Variants in RASGRF2 observed in about 807,000 individuals in gnomAD.
RASGRF2 encodes the protein ras-specific guanine nucleotide-releasing factor 2.
RASGRF2 carries 76 observed loss-of-function variants against 151.0 expected under a neutral mutation model. The observed-to-expected ratio is 0.50, with a 90% CI of 0.42 to 0.61. The LOEUF (loss-of-function observed/expected upper bound fraction) is 0.61. Ranked by LOEUF, RASGRF2 falls within the 20% of genes least tolerant of loss-of-function variation. The pLI is 0.00. For missense variants in RASGRF2, 1,148 were observed against 1,564.6 expected, an observed-to-expected ratio of 0.73 and a Z score of 4.49; for synonymous variants, 504 against 566.5, an observed-to-expected ratio of 0.89 and a Z score of 1.57.
intron 1 of RASGRF2, among the ~76,000 whole-genome samples, chr5:80,969,816 T>C (rs1472863951): frequency 2.0e-5 from 1 of 49,608 alleles, no homozygotes; most frequent in African/African-American, 8.0e-5. Context: ...CTTCTTCTTC[T>C]TTTTTTTTTT....
intron 17 of RASGRF2, among the ~76,000 whole-genome samples, chr5:81,138,043 C>G (rs1297375680): frequency 7.7e-6 from 1 of 129,910 alleles, no homozygotes; most frequent in African/African-American, 3.1e-5. Context: ...CCTTCAATGC[C>G]CTTTTTGTTT....
At chr5:81,120,605 A>G (rs1753280213) in intron 15 of RASGRF2, among the ~76,000 whole-genome samples, 1 of 152,148 alleles carries the variant, frequency 6.6e-6, no homozygotes, top group Admixed American at 6.5e-5. Flanking sequence ...AACAAAGACA[A>G]AAATAAAATA....
chr5:81,183,226 T>A (rs1428758651), intron 18 of RASGRF2: 1 of 981,858 alleles, frequency 1.0e-6, no homozygotes, highest in East Asian at 1.1e-4. Context: ...TAGATCCACA[T>A]CAATCAAGAT....
intron 17 of RASGRF2, among the ~76,000 whole-genome samples, chr5:81,156,008 G>A (rs1187937908): frequency 9.9e-5 from 15 of 152,164 alleles, no homozygotes; most frequent in Admixed American, 9.8e-4. Context: ...ATGCAGCTAT[G>A]TCCAGGTACT....
At chr5:81,079,880 G>A (rs1752037481) in intron 5 of RASGRF2, among the ~76,000 whole-genome samples, 1 of 152,200 alleles carries the variant, frequency 6.6e-6, no homozygotes, top group South Asian at 2.1e-4. Context: ...GATGAAGAAG[G>A]TTATGTGACA....
chr5:81,064,793 G>T (rs26899), intron 2 of RASGRF2, among the ~76,000 whole-genome samples: 101,008 of 152,006 alleles, frequency 0.66, 34,631 homozygotes, highest in Non-Finnish European at 0.76. Context: ...AACTGTTACT[G>T]GCTACTACCC....
At chr5:81,205,229 C>A (rs910003664) in intron 19 of RASGRF2, among the ~76,000 whole-genome samples, 1 of 152,170 alleles carries the variant, frequency 6.6e-6, no homozygotes, top group African/African-American at 2.4e-5. Context: ...TCCTGCTCCC[C>A]CTTCAGACAG....
intron 7 of RASGRF2, among the ~76,000 whole-genome samples, chr5:81,081,128 C>T (rs1005938413): frequency 7.2e-5 from 11 of 152,266 alleles, no homozygotes; most frequent in Non-Finnish European, 1.5e-4. Context: ...ATTTGGTTTA[C>T]AGAAATAGGA....
At chr5:81,016,032 G>A (rs1031994294) in intron 1 of RASGRF2, among the ~76,000 whole-genome samples, 13 of 152,082 alleles carry the variant, frequency 8.5e-5, no homozygotes, top group Middle Eastern at 3.2e-3. Flanking sequence ...TGACAATGGC[G>A]ACTGAACTCA....
intron 1 of RASGRF2, among the ~76,000 whole-genome samples, chr5:80,963,044 G>C (rs1747613606): frequency 2.0e-5 from 3 of 152,168 alleles, no homozygotes; most frequent in African/African-American, 7.2e-5. Flanking sequence ...CTGTGAGTTG[G>C]GTTAGCTTAG....
chr5:80,973,936 A>G (rs1748026095), intron 1 of RASGRF2, among the ~76,000 whole-genome samples: 1 of 152,196 alleles, frequency 6.6e-6, no homozygotes. Context: ...AGGTATCAAC[A>G]GTGGTAAGGC....
chr5:81,139,147 T>C (rs755761565), intron 17 of RASGRF2, among the ~76,000 whole-genome samples: 1 of 152,220 alleles, frequency 6.6e-6, no homozygotes, highest in Non-Finnish European at 1.5e-5. Flanking sequence ...TATTTGACTC[T>C]TTTTGGTGTT....
chr5:81,053,390 C>T (rs1325504211), intron 2 of RASGRF2, among the ~76,000 whole-genome samples: 1 of 149,978 alleles, frequency 6.7e-6, no homozygotes, highest in Non-Finnish European at 1.5e-5. Flanking sequence ...GTTTTTTGCT[C>T]TTGCGATAGT....
At chr5:81,041,179 G>A (rs1023664914) in intron 1 of RASGRF2, among the ~76,000 whole-genome samples, 4 of 151,916 alleles carry the variant, frequency 2.6e-5, no homozygotes, top group Non-Finnish European at 5.9e-5. Context: ...GCACATGCCT[G>A]TAATCCTAGC....
chr5:80,961,487 T>C (rs1025221153), intron 1 of RASGRF2, among the ~76,000 whole-genome samples: 3 of 152,196 alleles, frequency 2.0e-5, no homozygotes, highest in Non-Finnish European at 4.4e-5. Flanking sequence ...TGACCACTGG[T>C]TGGGCTGGGA....
chr5:81,177,309 A>C (rs1754797441), intron 17 of RASGRF2, among the ~76,000 whole-genome samples: 1 of 152,028 alleles, frequency 6.6e-6, no homozygotes. Context: ...CATCATCACC[A>C]TCCTCTGACA....
At chr5:81,152,603 G>T (rs1018274307) in intron 17 of RASGRF2, among the ~76,000 whole-genome samples, 3 of 152,146 alleles carry the variant, frequency 2.0e-5, no homozygotes, top group African/African-American at 7.2e-5. Context: ...AACATTTTAT[G>T]TGCTTAAAAT....
chr5:81,054,922 CTGTT>C (rs1205857643), intron 2 of RASGRF2, among the ~76,000 whole-genome samples: 6 of 152,068 alleles, frequency 3.9e-5, no homozygotes, highest in African/African-American at 1.5e-4. Flanking sequence ...ATTTGGCTCT[CTGTT>C]TGCTTGTTAT....
intron 17 of RASGRF2, among the ~76,000 whole-genome samples, chr5:81,163,684 G>A (rs1561239217): frequency 6.6e-6 from 1 of 152,174 alleles, no homozygotes; most frequent in African/African-American, 2.4e-5. Context: ...CTTAAAATAA[G>A]TGGTCCTTTA....
Sources: allele counts gnomAD v4.1 joint callset (sites outside exome capture counted in the v4.1 genomes callset), GRCh38; gene constraint gnomAD v4.1.1; transcripts MANE v1.5; gene names NCBI Gene and HGNC (gene_info 2026-07-23, HGNC 2026-07-21).